CNGB3: variants seen among roughly 807,000 people sequenced by gnomAD.
CNGB3 encodes cyclic nucleotide-gated channel beta-3.
Under a neutral mutation model 92.8 loss-of-function variants are expected in CNGB3, and 86 were observed. That is an observed-to-expected ratio of 0.93 (90% CI 0.78 to 1.11). The LOEUF is 1.11. CNGB3 is among the 50% of genes least tolerant of loss of function. CNGB3 has a pLI of 0.00. For synonymous variants in CNGB3, 333 were observed against 332.7 expected, an observed-to-expected ratio of 1.00 and a Z score of -0.01; for missense variants, 1,026 against 956.8, an observed-to-expected ratio of 1.07 and a Z score of -0.95.
chr8:86,609,072 A>G (rs1421527306), intron 14 of CNGB3, among the ~76,000 whole-genome samples: 1 of 152,052 alleles, frequency 6.6e-6, no homozygotes, highest in Non-Finnish European at 1.5e-5. Context: ...TTCCTGCCTT[A>G]TTTGTCTCCA....
chr8:86,661,346 G>C, intron 6 of CNGB3: 1 of 398,732 alleles, frequency 2.5e-6, no homozygotes. Flanking sequence ...AAGCAATATT[G>C]CTTTGCTTTT....
intron 3 of CNGB3, among the ~76,000 whole-genome samples, chr8:86,686,330 T>C (rs1824188013): frequency 7.0e-6 from 1 of 143,556 alleles, no homozygotes; most frequent in Non-Finnish European, 1.5e-5. Context: ...CCGTTCGATC[T>C]ATTTGTAGTC....
chr8:86,684,974 G>A (rs72692295), intron 3 of CNGB3, among the ~76,000 whole-genome samples: 1,736 of 152,020 alleles, frequency 0.011, 11 homozygotes, highest in Non-Finnish European at 0.018. Flanking sequence ...AAACACACAC[G>A]CATGGATGAG....
At chr8:86,637,220 T>C (rs1172445920) in intron 10 of CNGB3, among the ~76,000 whole-genome samples, 3 of 152,220 alleles carry the variant, frequency 2.0e-5, no homozygotes, top group South Asian at 4.1e-4. Context: ...GGAGAGACTA[T>C]CTTTCCTCAT....
At chr8:86,713,467 C>T (rs948243741) in intron 3 of CNGB3, among the ~76,000 whole-genome samples, 5 of 152,236 alleles carry the variant, frequency 3.3e-5, no homozygotes, top group Non-Finnish European at 4.4e-5. Flanking sequence ...TATATATACT[C>T]TATGTAAACT....
intron 3 of CNGB3, among the ~76,000 whole-genome samples, chr8:86,709,029 T>C (rs1824702324): frequency 6.6e-6 from 1 of 152,160 alleles, no homozygotes; most frequent in Admixed American, 6.5e-5. Flanking sequence ...TTTGTTGCTA[T>C]TGTTTAAATG....
chr8:86,659,364 C>T, intron 6 of CNGB3: 2 of 950,454 alleles, frequency 2.1e-6, no homozygotes, highest in South Asian at 2.6e-5. Flanking sequence ...AGGGGGTTCA[C>T]ACTGGCTTGA....
At chr8:86,683,595 A>T (rs374538819) in intron 3 of CNGB3, among the ~76,000 whole-genome samples, 6 of 152,286 alleles carry the variant, frequency 3.9e-5, no homozygotes, top group African/African-American at 1.2e-4. Context: ...TTATATTTTC[A>T]TGAAGACATT....
intron 8 of CNGB3, 129 bp downstream of exon 8, chr8:86,647,672 G>GA: frequency 3.2e-6 from 2 of 634,268 alleles, no homozygotes; most frequent in South Asian, 3.7e-5. Context: ...GAAAGATGGA[G>GA]AAGAGTTTGG....
At chr8:86,697,586 A>G (rs1156402551) in intron 3 of CNGB3, among the ~76,000 whole-genome samples, 3 of 152,210 alleles carry the variant, frequency 2.0e-5, no homozygotes, top group South Asian at 2.1e-4. Context: ...TATTAATTGG[A>G]CTTTAAAAAA....
At chr8:86,657,743 C>T (rs2885471) in intron 6 of CNGB3, 183,223 of 469,842 alleles carry the variant, frequency 0.39, 37,755 homozygotes, top group East Asian at 0.57. Flanking sequence ...GCAGCTCCTG[C>T]AGCTCCAGCA....
At chr8:86,608,418 G>C (rs1441725427) in intron 14 of CNGB3, among the ~76,000 whole-genome samples, 1 of 152,234 alleles carries the variant, frequency 6.6e-6, no homozygotes, top group East Asian at 1.9e-4. Flanking sequence ...GTAGCAAAAA[G>C]TGTCAAGGAA....
At chr8:86,653,931 T>A (rs546412249) in intron 7 of CNGB3, 81 bp downstream of exon 7, 1 of 979,126 alleles carries the variant, frequency 1.0e-6, no homozygotes, top group South Asian at 1.3e-5. Flanking sequence ...ACAAACTTTG[T>A]TTATAGAAAT....
At chr8:86,716,839 A>G (rs750178947) in intron 3 of CNGB3, among the ~76,000 whole-genome samples, 16 of 152,232 alleles carry the variant, frequency 1.1e-4, no homozygotes, top group Non-Finnish European at 1.6e-4. Context: ...GGCAACAAAT[A>G]GCATGATGAA....
intron 7 of CNGB3, among the ~76,000 whole-genome samples, chr8:86,649,524 A>T (rs565748140): frequency 5.3e-4 from 81 of 151,818 alleles, no homozygotes; most frequent in African/African-American, 1.7e-3. Context: ...TATTGAACAA[A>T]GCATACTAAA....
In CNGB3 at chr8:86,579,158, C is replaced by T. The variant is rs1359210462; in HGVS notation, c.1876G>A (p.Glu626Lys). ...GAATCTGGATAATGCACTAGAATTT[C>T]TTGGAGGGTCTTTTTGTCTAGAGTT... ...LLTLDKKTLQ[E>K]ILVHYPDSER... The change falls in exon 16 of 18, where the codon GAA (glutamate) becomes AAA (lysine). Residue 626 changes from glutamate (E) to lysine (K), a missense_variant. Physicochemically the swap from Glu to Lys is moderately conservative, Grantham distance 56. Coordinates refer to ENST00000320005, the MANE Select transcript of CNGB3 (RefSeq NM_019098.5). 6.2e-7 allele frequency: 1 copy of T among 1,614,142 alleles called. No homozygotes were observed. The highest frequency in any genetic ancestry group is 8.5e-7 in the Non-Finnish European group (1 of 1,180,018).
intron 10 of CNGB3, among the ~76,000 whole-genome samples, chr8:86,642,800 CT>C (rs1239440514): frequency 6.6e-6 from 1 of 151,446 alleles, no homozygotes; most frequent in South Asian, 2.1e-4. Context: ...TTCAAGTGAT[CT>C]TTTTTTATTT....
At chr8:86,721,121 C>T (rs1292557518) in intron 3 of CNGB3, among the ~76,000 whole-genome samples, 1 of 151,870 alleles carries the variant, frequency 6.6e-6, no homozygotes, top group Non-Finnish European at 1.5e-5. Context: ...TGCACGCCAC[C>T]AGCCCAGCTA....
At chr8:86,585,295 A>G (rs1016145935) in intron 15 of CNGB3, among the ~76,000 whole-genome samples, 1 of 152,056 alleles carries the variant, frequency 6.6e-6, no homozygotes, top group Admixed American at 6.6e-5. Context: ...ATTTATATAC[A>G]TATACATTTG....
Sources: allele counts gnomAD v4.1 joint callset (sites outside exome capture counted in the v4.1 genomes callset), GRCh38; gene constraint gnomAD v4.1.1; transcripts MANE v1.5; gene names NCBI Gene and HGNC (gene_info 2026-07-23, HGNC 2026-07-21).